DDR2: variants seen among roughly 807,000 people sequenced by gnomAD.
DDR2 encodes the protein discoidin domain receptor tyrosine kinase 2.
Under a neutral mutation model 94.9 loss-of-function variants are expected in DDR2, and 27 were observed. The observed-to-expected ratio is 0.28, with a 90% CI of 0.21 to 0.39. The LOEUF (loss-of-function observed/expected upper bound fraction) is 0.39, where lower values mean the gene tolerates loss of function less well. DDR2 is among the 10% of genes least tolerant of loss of function. DDR2 has a pLI of 1.00. For missense variants in DDR2, 783 were observed against 1,076.0 expected, an observed-to-expected ratio of 0.73 and a Z score of 3.81; for synonymous variants, 382 against 377.2, an observed-to-expected ratio of 1.01 and a Z score of -0.15.
At chr1:162,735,225 C>T (rs1662237371) in intron 3 of DDR2, among the ~76,000 whole-genome samples, 1 of 152,206 alleles carries the variant, frequency 6.6e-6, no homozygotes, top group African/African-American at 2.4e-5. Flanking sequence ...CAGTTTTCAT[C>T]AATGTCATTG....
intron 3 of DDR2, among the ~76,000 whole-genome samples, chr1:162,726,004 C>T (rs1661645887): frequency 6.6e-6 from 1 of 152,166 alleles, no homozygotes; most frequent in Admixed American, 6.5e-5. Flanking sequence ...CAGACCTAAC[C>T]AGGCTTTGCC....
chr1:162,682,268 C>A (rs1319950034), intron 2 of DDR2, among the ~76,000 whole-genome samples: 1 of 152,210 alleles, frequency 6.6e-6, no homozygotes, highest in Non-Finnish European at 1.5e-5. Context: ...TTCCCCCAGT[C>A]ACTTGGCCTG....
intron 7 of DDR2, among the ~76,000 whole-genome samples, chr1:162,758,811 G>A (rs1006154659): frequency 5.3e-5 from 8 of 152,152 alleles, no homozygotes; most frequent in Admixed American, 3.3e-4. Context: ...TATTGCTTGA[G>A]GGTGAGTATC....
intron 1 of DDR2, among the ~76,000 whole-genome samples, chr1:162,633,011 T>G (rs1036068934): frequency 9.2e-5 from 14 of 152,166 alleles, no homozygotes; most frequent in African/African-American, 2.9e-4. Flanking sequence ...GAGCTAAGTT[T>G]TTAGACATTT....
At chr1:162,773,684 T>C in intron 14 of DDR2, 88 bp downstream of exon 14, 1 of 1,577,568 alleles carries the variant, frequency 6.3e-7, no homozygotes, top group Non-Finnish European at 8.7e-7. Flanking sequence ...AATTTTTTCT[T>C]TTGAGATGGG....
intron 2 of DDR2, among the ~76,000 whole-genome samples, chr1:162,686,128 C>T (rs771811135): frequency 2.0e-5 from 3 of 152,140 alleles, no homozygotes; most frequent in Non-Finnish European, 4.4e-5. Flanking sequence ...TGGGTTCAAG[C>T]GATTCTCCTA....
At chr1:162,674,999 CA>C (rs954315870) in intron 2 of DDR2, among the ~76,000 whole-genome samples, 3 of 150,366 alleles carry the variant, frequency 2.0e-5, no homozygotes, top group African/African-American at 7.4e-5. Context: ...ACTAAAAGTA[CA>C]AAAAAAAACT....
intron 1 of DDR2, among the ~76,000 whole-genome samples, chr1:162,636,320 A>G (rs369147467): frequency 1.1e-4 from 16 of 152,342 alleles, no homozygotes; most frequent in African/African-American, 3.8e-4. Context: ...GCAAAGGTAG[A>G]GGAATTCTAA....
chr1:162,708,641 A>G lies in DDR2; in HGVS notation c.-27-10396A>G, dbSNP rs116774930. ...AGGCTGATTTCTGCTCTGCTGGTTC[A>G]TAGGAAACTGCTTGGGTCTTTCATG... is the stretch of plus-strand genomic sequence containing the variant. On this transcript the variant is annotated intron_variant, in intron 2 of 17. Transcript: ENST00000367921. Among the ~76,000 whole-genome samples, 1,081 of 152,320 alleles carry G rather than the reference A, an allele frequency of 7.1e-3. 12 individuals are homozygous for G. The highest frequency in any genetic ancestry group is 0.025 in the African/African-American group (1,032 of 41,572).
chr1:162,700,610 T>C (rs1660387846), intron 2 of DDR2, among the ~76,000 whole-genome samples: 1 of 152,196 alleles, frequency 6.6e-6, no homozygotes, highest in African/African-American at 2.4e-5. Flanking sequence ...GGTATTTGCA[T>C]AGAAACATGA....
intron 2 of DDR2, among the ~76,000 whole-genome samples, chr1:162,712,622 C>A (rs1178535283): frequency 6.6e-6 from 1 of 152,068 alleles, no homozygotes; most frequent in East Asian, 1.9e-4. Flanking sequence ...AAGTCCTGAG[C>A]CATGACTTCC....
chr1:162,694,776 G>T (rs17486314), intron 2 of DDR2, among the ~76,000 whole-genome samples: 14,763 of 152,224 alleles, frequency 0.097, 1,025 homozygotes, highest in Non-Finnish European at 0.14. Flanking sequence ...GTAACTGATA[G>T]AAATATCTTT....
chr1:162,775,552 T>C, intron 14 of DDR2, 100 bp from the exon 15 acceptor site: 1 of 1,293,118 alleles, frequency 7.7e-7, no homozygotes, highest in Non-Finnish European at 1.1e-6. Context: ...GAAACAAGAT[T>C]TGGCATAATG....
At chr1:162,701,312 A>C (rs1230319046) in intron 2 of DDR2, among the ~76,000 whole-genome samples, 1 of 152,238 alleles carries the variant, frequency 6.6e-6, no homozygotes, top group Non-Finnish European at 1.5e-5. Flanking sequence ...GTTTTGCCAC[A>C]GTATCTGGGC....
chr1:162,646,455 T>G (rs796505301), intron 1 of DDR2, among the ~76,000 whole-genome samples: 61 of 152,314 alleles, frequency 4.0e-4, no homozygotes, highest in African/African-American at 1.3e-3. Flanking sequence ...ATGAAAACCT[T>G]GTAATTGGTG....
intron 12 of DDR2, 38 bp downstream of exon 12, chr1:162,770,550 A>G (rs1224695215): frequency 4.4e-6 from 7 of 1,595,972 alleles, no homozygotes; most frequent in Non-Finnish European, 6.0e-6. Flanking sequence ...CAAGGGAGAA[A>G]CCTCAGCAAG....
chr1:162,645,063 A>C (rs1657339989), intron 1 of DDR2, among the ~76,000 whole-genome samples: 1 of 152,202 alleles, frequency 6.6e-6, no homozygotes, highest in Admixed American at 6.5e-5. Context: ...GCAATGGCCA[A>C]GGGCCTTATG....
chr1:162,671,038 G>T (rs1571174495), intron 2 of DDR2, among the ~76,000 whole-genome samples: 2 of 152,286 alleles, frequency 1.3e-5, no homozygotes, highest in Admixed American at 1.3e-4. Context: ...GGTCTGTGAA[G>T]GGAAAAGTGG....
At chr1:162,715,261 T>C (rs541306328) in intron 2 of DDR2, among the ~76,000 whole-genome samples, 5 of 152,204 alleles carry the variant, frequency 3.3e-5, no homozygotes, top group South Asian at 2.1e-4. Flanking sequence ...CTTGTGTGTG[T>C]TGGGGGGGAA....
Sources: gnomAD v4.1 joint callset for allele counts (sites outside exome capture counted in the v4.1 genomes callset) on GRCh38, gnomAD v4.1.1 for gene constraint, MANE v1.5 for transcripts, NCBI Gene and HGNC (gene_info 2026-07-23, HGNC 2026-07-21) for gene names.